Variants in MCPH1 observed in about 807,000 individuals in gnomAD.
MCPH1 encodes the protein microcephalin 1, also known as microcephalin.
Under a neutral mutation model 84.5 loss-of-function variants are expected in MCPH1, and 104 were observed. That is an observed-to-expected ratio of 1.23 (90% CI 1.05 to 1.45). MCPH1 has a LOEUF of 1.45. Among genes scored for constraint, MCPH1 ranks in the 40% most tolerant of loss-of-function variants. MCPH1 has a pLI of 0.00. For synonymous variants in MCPH1, 514 were observed against 366.8 expected (o/e 1.40, Z -4.58); for missense variants, 1,498 against 1,005.7 (o/e 1.49, Z -6.62).
intron 12 of MCPH1, among the ~76,000 whole-genome samples, chr8:6,596,582 C>G (rs939222129): frequency 6.6e-6 from 1 of 151,982 alleles, no homozygotes; most frequent in East Asian, 1.9e-4. Context: ...CTGGAGCCAG[C>G]GTGGAGGTGC....
intron 11 of MCPH1, among the ~76,000 whole-genome samples, chr8:6,497,284 C>T (rs889923442): frequency 2.0e-5 from 3 of 150,070 alleles, no homozygotes; most frequent in African/African-American, 7.4e-5. Flanking sequence ...AGTTCGTGAC[C>T]AGCCTGACCA....
At chr8:6,441,530 C>G (rs1294705177) in intron 6 of MCPH1, among the ~76,000 whole-genome samples, 1 of 152,168 alleles carries the variant, frequency 6.6e-6, no homozygotes, top group Non-Finnish European at 1.5e-5. Flanking sequence ...TACTTACGAT[C>G]TTATTTGTTA....
chr8:6,612,358 G>C (rs1406427367), intron 12 of MCPH1, among the ~76,000 whole-genome samples: 1 of 152,148 alleles, frequency 6.6e-6, no homozygotes, highest in Non-Finnish European at 1.5e-5. Context: ...TCCCGGGCGT[G>C]ATAACTCTTC....
intron 2 of MCPH1, among the ~76,000 whole-genome samples, chr8:6,410,609 A>C (rs919278522): frequency 1.1e-4 from 17 of 152,302 alleles, no homozygotes; most frequent in Admixed American, 9.8e-4. Context: ...TCTTTTGCCC[A>C]CGCACACTAA....
chr8:6,630,326 C>G (rs908820102), intron 13 of MCPH1, among the ~76,000 whole-genome samples: 1 of 152,020 alleles, frequency 6.6e-6, no homozygotes, highest in Non-Finnish European at 1.5e-5. Context: ...CTGCAGTTAT[C>G]GTAAGGATAT....
In MCPH1 at chr8:6,494,946, G is replaced by A. The variant is rs371173747; in HGVS notation, c.2137-4906G>A. ...AGTCATATATGGAAAATAGCTTTAAGGCACCACTACAACTACTAAATAGGT... is the reference window on the plus strand; with the variant it reads ...AGTCATATATGGAAAATAGCTTTAAAGCACCACTACAACTACTAAATAGGT... On this transcript the variant is annotated intron_variant, in intron 11 of 13. Transcript: ENST00000344683. Among the ~76,000 whole-genome samples, 5 of 152,050 alleles carry A rather than the reference G, an allele frequency of 3.3e-5. No individual in the cohort carries two copies. In the East Asian group the frequency reaches 9.6e-4, roughly 29 times the overall value.
At chr8:6,545,265 G>C (rs1409674665) in intron 12 of MCPH1, among the ~76,000 whole-genome samples, 1 of 152,144 alleles carries the variant, frequency 6.6e-6, no homozygotes, top group Non-Finnish European at 1.5e-5. Context: ...CCTCGGTGCT[G>C]GTTACATGAG....
At chr8:6,456,812 C>T (rs2440408) in intron 9 of MCPH1, among the ~76,000 whole-genome samples, 102,940 of 152,070 alleles carry the variant, frequency 0.68, 38,947 homozygotes, top group Non-Finnish European at 0.83. Context: ...GGTATTGCCT[C>T]CCTGTGCCTG....
At chr8:6,515,823 G>A (rs1816154940) in intron 12 of MCPH1, among the ~76,000 whole-genome samples, 1 of 152,352 alleles carries the variant, frequency 6.6e-6, no homozygotes, top group Middle Eastern at 3.4e-3. Flanking sequence ...GGCAGGGTAA[G>A]CTTCAACGCA....
chr8:6,416,987 A>G (rs571396676), intron 3 of MCPH1, among the ~76,000 whole-genome samples: 3 of 145,830 alleles, frequency 2.1e-5, no homozygotes, highest in East Asian at 3.9e-4. Flanking sequence ...AGAGCGGGGA[A>G]AAAAAAAAAA....
In MCPH1 at chr8:6,644,476, G is replaced by A. The variant is rs1056714294; in HGVS notation, c.*1427G>A. Reference sequence around the variant, plus strand: ...ACTCTGCCAAAAGGCTCCTGGAACCGATAAATGACTTAAGTAAAGTTTCAG... The same window carrying A: ...ACTCTGCCAAAAGGCTCCTGGAACCAATAAATGACTTAAGTAAAGTTTCAG... On this transcript the variant is annotated 3_prime_UTR_variant, in exon 14 of 14. Coordinates refer to ENST00000344683, the MANE Select transcript of MCPH1 (RefSeq NM_024596.5). 2.0e-5 allele frequency: 3 copies of A among 152,152 alleles called. No homozygotes were observed. Among genetic ancestry groups the A allele is most frequent in the Non-Finnish European group, 4.4e-5 (3 of 68,034 alleles). 9.4% of individuals were successfully genotyped at this position (152,152 alleles called of 1,614,324 possible).
intron 5 of MCPH1, among the ~76,000 whole-genome samples, chr8:6,438,322 G>T (rs1802975303): frequency 6.6e-6 from 1 of 152,190 alleles, no homozygotes; most frequent in African/African-American, 2.4e-5. Context: ...GGTGATTCAG[G>T]CTTAAGAGTC....
chr8:6,508,836 G>C, intron 12 of MCPH1: 4 of 1,532,964 alleles, frequency 2.6e-6, no homozygotes, highest in East Asian at 4.5e-5. Flanking sequence ...TGTGGACATC[G>C]TTACAAATCA....
chr8:6,428,151 AT>A (rs1389406939), intron 3 of MCPH1, among the ~76,000 whole-genome samples: 1 of 151,938 alleles, frequency 6.6e-6, no homozygotes, highest in African/African-American at 2.4e-5. Context: ...AATTTTTTAA[AT>A]TTTTTTACTC....
chr8:6,518,359 G>A (rs541737014), intron 12 of MCPH1, among the ~76,000 whole-genome samples: 2 of 152,328 alleles, frequency 1.3e-5, no homozygotes, highest in East Asian at 3.9e-4. Flanking sequence ...GAGTCTGTTC[G>A]TTGCCTTTTC....
chr8:6,643,134 G>C lies in MCPH1; in HGVS notation c.*85G>C, dbSNP rs1169399210. ...CAAATGAGAAACAAAACTGTGAAGAGAAGGAACTGGCGTATACAAGATGAC... is the reference window on the plus strand; with the variant it reads ...CAAATGAGAAACAAAACTGTGAAGACAAGGAACTGGCGTATACAAGATGAC... On this transcript the variant is annotated 3_prime_UTR_variant, in exon 14 of 14. Transcript: ENST00000344683. 3 of 1,181,468 alleles carry C rather than the reference G, an allele frequency of 2.5e-6. No individual in the cohort carries two copies. Among genetic ancestry groups the C allele is most frequent in the East Asian group, 4.7e-5 (2 of 42,632 alleles). The allele number at this position is 1,181,468 out of a possible 1,614,324, so 73.2% of individuals were successfully genotyped here.
rs989038658 is a variant in MCPH1, at chr8:6,646,817, C to T, written c.*3768C>T. ...GTGCCCTGGAGAGCAAAACTGTTTCCAGTTGAGAACCATTGACCTAATGTA... is the reference window on the plus strand; with the variant it reads ...GTGCCCTGGAGAGCAAAACTGTTTCTAGTTGAGAACCATTGACCTAATGTA... On this transcript the variant is annotated 3_prime_UTR_variant, in exon 14 of 14. Transcript: ENST00000344683. 2 of 152,118 alleles carry T rather than the reference C, an allele frequency of 1.3e-5. No homozygotes were observed. The highest frequency in any genetic ancestry group is 4.8e-5 in the African/African-American group (2 of 41,430). The allele number at this position is 152,118 out of a possible 1,614,324, so 9.4% of individuals were successfully genotyped here. A position where few individuals can be genotyped will look rare whatever the true frequency, so the allele number is the denominator to read the frequency against.
Position 6,563,040 on chromosome 8 carries a change from G to A in MCPH1, c.2215-58414G>A, listed in dbSNP as rs1458174254. The A allele has an allele frequency of 6.3e-6, 8 of 1,271,772 alleles. No individual in the cohort carries two copies. The African/African-American group carries it at 1.2e-4, about 19-fold the overall frequency. The allele number at this position is 1,271,772 out of a possible 1,614,324, so 78.8% of individuals were successfully genotyped here. ...AACGCAGGGCTGCTACGCTGCCATG[G>A]CTGGGTCCGTCAATGAAAGTCTTCT... On this transcript the variant is annotated intron_variant, in intron 12 of 13. Coordinates refer to ENST00000344683, the MANE Select transcript of MCPH1 (RefSeq NM_024596.5).
chr8:6,433,576 T>G (rs1324521328), intron 4 of MCPH1, among the ~76,000 whole-genome samples: 1 of 132,156 alleles, frequency 7.6e-6, no homozygotes, highest in Admixed American at 9.4e-5. Flanking sequence ...GAGGTTGCAG[T>G]GAGCCCAGAT....
Sources: allele counts gnomAD v4.1 joint callset (sites outside exome capture counted in the v4.1 genomes callset), GRCh38; gene constraint gnomAD v4.1.1; transcripts MANE v1.5; gene names NCBI Gene and HGNC (gene_info 2026-07-23, HGNC 2026-07-21).